ZNF362: variants seen among roughly 807,000 people sequenced by gnomAD.
The protein encoded by ZNF362 is zinc finger protein 362, also known as rotund homolog.
A neutral mutation model predicts 42.9 loss-of-function variants in ZNF362; 11 were observed. The observed-to-expected ratio is 0.26, with a 90% CI of 0.16 to 0.42. The LOEUF (loss-of-function observed/expected upper bound fraction) is 0.42. Among genes scored for constraint, ZNF362 ranks in the 20% least tolerant of loss-of-function variants. ZNF362 has a pLI of 1.00. For synonymous variants in ZNF362, 255 were observed against 257.3 expected, an observed-to-expected ratio of 0.99 and a Z score of 0.09; for missense variants, 362 against 576.2, an observed-to-expected ratio of 0.63 and a Z score of 3.81.
chr1:33,240,019 A>G, the ZNF362 span, among the ~76,000 whole-genome samples: 1 of 152,246 alleles, frequency 6.6e-6, no homozygotes, highest in Non-Finnish European at 1.5e-5. Flanking sequence ...GTAGAATGCC[A>G]ACTACTAAAT....
At chr1:33,172,889 G>A in the ZNF362 span, among the ~76,000 whole-genome samples, 5 of 152,172 alleles carry the variant, frequency 3.3e-5, no homozygotes, top group Admixed American at 1.3e-4. Flanking sequence ...CATGACTTTC[G>A]CTCAGGGCTC....
chr1:33,191,050 T>C, the ZNF362 span, among the ~76,000 whole-genome samples: 1 of 152,240 alleles, frequency 6.6e-6, no homozygotes, highest in Non-Finnish European at 1.5e-5. Context: ...GAACTTCTCT[T>C]GTAAGCTTCT....
At chr1:33,252,390 G>GAAA (rs148436186), upstream of ZNF362, among the ~76,000 whole-genome samples, 2 of 151,594 alleles carry the variant, frequency 1.3e-5, no homozygotes, top group Non-Finnish European at 2.9e-5. Flanking sequence ...ACAACAACCA[G>GAAA]AAAAACCATC....
the ZNF362 span, among the ~76,000 whole-genome samples, chr1:33,198,160 C>G: frequency 6.6e-6 from 1 of 152,036 alleles, no homozygotes; most frequent in African/African-American, 2.4e-5. Context: ...TGTCTAGCAT[C>G]CAATAAAAAA....
the ZNF362 span, among the ~76,000 whole-genome samples, chr1:33,174,483 T>C: frequency 3.3e-5 from 5 of 152,156 alleles, no homozygotes; most frequent in African/African-American, 1.2e-4. Flanking sequence ...TGTGCCCAGC[T>C]AGGCACAGTT....
chr1:33,185,531 C>T, the ZNF362 span, among the ~76,000 whole-genome samples: 1 of 152,148 alleles, frequency 6.6e-6, no homozygotes, highest in African/African-American at 2.4e-5. Flanking sequence ...CCAGTCTCTT[C>T]TCTTTCACTT....
At chr1:33,227,065 A>G in the ZNF362 span, among the ~76,000 whole-genome samples, 2 of 152,154 alleles carry the variant, frequency 1.3e-5, no homozygotes, top group African/African-American at 4.8e-5. Context: ...ATAGGGTACA[A>G]GGTTTCTTTT....
chr1:33,262,801 T>C (rs1360192511), intron 1 of ZNF362, among the ~76,000 whole-genome samples: 1 of 152,226 alleles, frequency 6.6e-6, no homozygotes, highest in African/African-American at 2.4e-5. Context: ...GGAGCACTCC[T>C]CTGCTATTTC....
the ZNF362 span, among the ~76,000 whole-genome samples, chr1:33,155,196 C>T: frequency 4.0e-5 from 6 of 151,454 alleles, no homozygotes; most frequent in East Asian, 1.0e-3. Context: ...CTCAGCCTCC[C>T]GAGTAATTGG....
the ZNF362 span, among the ~76,000 whole-genome samples, chr1:33,170,806 C>T: frequency 6.6e-6 from 1 of 151,830 alleles, no homozygotes; most frequent in African/African-American, 2.4e-5. Context: ...CACCTAACCT[C>T]TCTGTGCCCC....
At chr1:33,145,656 G>A in the ZNF362 span, 3 of 312,930 alleles carry the variant, frequency 9.6e-6, no homozygotes, top group Admixed American at 9.1e-5. Context: ...TAGGCCCCAG[G>A]ACTAGAAAGA....
chr1:33,237,599 G>A, the ZNF362 span, among the ~76,000 whole-genome samples: 7 of 152,288 alleles, frequency 4.6e-5, no homozygotes, highest in African/African-American at 9.6e-5. Context: ...TGGACCAGAC[G>A]CTGTCCTAAG....
chr1:33,241,725 C>T, the ZNF362 span, among the ~76,000 whole-genome samples: 3 of 152,028 alleles, frequency 2.0e-5, no homozygotes, highest in Admixed American at 6.6e-5. Flanking sequence ...CAGAAGATGC[C>T]GGTCTTATGC....
chr1:33,285,709 T>C (rs1225689235), intron 6 of ZNF362, among the ~76,000 whole-genome samples: 2 of 152,232 alleles, frequency 1.3e-5, no homozygotes, highest in African/African-American at 4.8e-5. Flanking sequence ...TTGCCAACTT[T>C]CTTACGCTAC....
chr1:33,160,985 T>G, the ZNF362 span, among the ~76,000 whole-genome samples: 24 of 152,122 alleles, frequency 1.6e-4, no homozygotes, highest in African/African-American at 5.8e-4. Flanking sequence ...GGGCACAGGT[T>G]TGGTGCCTGA....
At chr1:33,243,104 T>G in the ZNF362 span, among the ~76,000 whole-genome samples, 2 of 149,164 alleles carry the variant, frequency 1.3e-5, no homozygotes, top group Non-Finnish European at 3.0e-5. Flanking sequence ...TCACCACAAC[T>G]GTTATTATGT....
At chr1:33,272,982 C>T (rs775832717) in intron 2 of ZNF362, among the ~76,000 whole-genome samples, 72 of 152,382 alleles carry the variant, frequency 4.7e-4, no homozygotes, top group South Asian at 1.7e-3. Context: ...CTCTTTCTGG[C>T]TTCAAGCCCC....
At chr1:33,185,763 C>G in the ZNF362 span, among the ~76,000 whole-genome samples, 2 of 70,740 alleles carry the variant, frequency 2.8e-5, no homozygotes, top group Admixed American at 3.1e-4. Flanking sequence ...AAATTAACAT[C>G]AGGAATTTTT....
At chr1:33,298,759 A>G (rs1167603907) in intron 8 of ZNF362, among the ~76,000 whole-genome samples, 171 bp from the exon 9 acceptor site, 1 of 152,234 alleles carries the variant, frequency 6.6e-6, no homozygotes, top group African/African-American at 2.4e-5. Context: ...GCAGCAGTGC[A>G]GTGTCTCTAG....
Sources: allele counts gnomAD v4.1 joint callset (sites outside exome capture counted in the v4.1 genomes callset), GRCh38; gene constraint gnomAD v4.1.1; transcripts MANE v1.5; gene names NCBI Gene and HGNC (gene_info 2026-07-23, HGNC 2026-07-21).